Variants in RALYL observed in about 807,000 individuals in gnomAD.
RALYL encodes the protein RALY RNA binding protein like.
A neutral mutation model predicts 35.1 loss-of-function variants in RALYL; 29 were observed. The observed-to-expected ratio is 0.83, with a 90% CI of 0.61 to 1.13. The LOEUF (loss-of-function observed/expected upper bound fraction) is 1.13. Ranked by LOEUF, RALYL falls within the 50% of genes most tolerant of loss-of-function variation. The probability of loss-of-function intolerance (pLI) is 0.00; values close to 1 mark genes in which losing one functional copy is unlikely to be tolerated. For synonymous variants in RALYL, 120 were observed against 127.6 expected (o/e 0.94, Z 0.40); for missense variants, 359 against 360.4 (o/e 1.00, Z 0.03).
Position 84,186,794 on chromosome 8 carries a change from A to C in RALYL, c.-24+2370A>C, listed in dbSNP as rs1812642503. 2.0e-5 allele frequency among the ~76,000 whole-genome samples: 3 copies of C among 152,220 alleles called. No homozygotes were observed. The South Asian group carries it at 6.2e-4, about 32-fold the overall frequency. ...TAATTATATTGTAGACTTGTATTAC[A>C]TTTCTATCTATTACATTCAAATTTT... On this transcript the variant is annotated intron_variant, in intron 1 of 8. Transcript: ENST00000521268.
At chr8:84,276,514 A>G (rs1318305834) in intron 1 of RALYL, among the ~76,000 whole-genome samples, 1 of 152,176 alleles carries the variant, frequency 6.6e-6, no homozygotes, top group African/African-American at 2.4e-5. Flanking sequence ...TGTTATCTCC[A>G]TTTTGCAATT....
chr8:84,485,093 T>C (rs932687278), intron 1 of RALYL, among the ~76,000 whole-genome samples: 1 of 152,176 alleles, frequency 6.6e-6, no homozygotes, highest in Non-Finnish European at 1.5e-5. Flanking sequence ...TGTAGCTTTA[T>C]CCTCTTCTAA....
At chr8:84,185,274 G>T (rs943174589) in intron 1 of RALYL, 25 of 530,504 alleles carry the variant, frequency 4.7e-5, no homozygotes, top group Non-Finnish European at 8.1e-5. Context: ...TGTTAAAGGG[G>T]CAGAGTTTTC....
intron 1 of RALYL, among the ~76,000 whole-genome samples, chr8:84,250,587 C>A (rs1346997603): frequency 6.6e-6 from 1 of 151,846 alleles, no homozygotes; most frequent in Non-Finnish European, 1.5e-5. Context: ...TAATTATAGG[C>A]AATTTCAAGA....
At chr8:84,453,932 A>G (rs575833045) in intron 1 of RALYL, among the ~76,000 whole-genome samples, 1 of 152,184 alleles carries the variant, frequency 6.6e-6, no homozygotes, top group South Asian at 2.1e-4. Flanking sequence ...TATTTATACC[A>G]AATCCAGATG....
chr8:84,522,172 T>C (rs2058507371), intron 1 of RALYL, among the ~76,000 whole-genome samples: 1 of 152,118 alleles, frequency 6.6e-6, no homozygotes, highest in African/African-American at 2.4e-5. Flanking sequence ...ATTTATCATG[T>C]GACCTCTATT....
chr8:84,598,113 A>G (rs867559200), intron 2 of RALYL, among the ~76,000 whole-genome samples: 2 of 151,876 alleles, frequency 1.3e-5, no homozygotes, highest in Non-Finnish European at 2.9e-5. Flanking sequence ...CTTGGTTCCT[A>G]TGCTTGTCTT....
chr8:84,851,637 T>C (rs544584155), intron 5 of RALYL, among the ~76,000 whole-genome samples: 6 of 152,176 alleles, frequency 3.9e-5, no homozygotes, highest in Non-Finnish European at 7.4e-5. Flanking sequence ...CTTGAAAGGG[T>C]CTTATTCTCT....
chr8:84,862,269 T>C (rs1838249200), intron 5 of RALYL, 27 bp from the exon 6 acceptor site: 2 of 1,452,358 alleles, frequency 1.4e-6, no homozygotes, highest in Non-Finnish European at 1.8e-6. Context: ...TCAAACCAAC[T>C]CTCAGTCCCA....
chr8:84,318,102 C>G (rs1586233522), intron 1 of RALYL, among the ~76,000 whole-genome samples: 1 of 152,106 alleles, frequency 6.6e-6, no homozygotes, highest in African/African-American at 2.4e-5. Context: ...GGACTGGCTA[C>G]ATCATTTGTA....
At chr8:84,206,930 T>G (rs1286910236) in intron 1 of RALYL, among the ~76,000 whole-genome samples, 1 of 152,108 alleles carries the variant, frequency 6.6e-6, no homozygotes, top group Non-Finnish European at 1.5e-5. Flanking sequence ...TGCTCAATGT[T>G]ACATAATCAT....
At chr8:84,470,418 T>G (rs2052566272) in intron 1 of RALYL, among the ~76,000 whole-genome samples, 1 of 151,958 alleles carries the variant, frequency 6.6e-6, no homozygotes, top group South Asian at 2.1e-4. Context: ...CAGGAGGTGG[T>G]TTTCTTGAAA....
chr8:84,439,854 T>C lies in RALYL; in HGVS notation c.-23-89445T>C, dbSNP rs536473624. ...CTTTATAATTAAAAAATTATTTGAT[T>C]GGCTATGCTGGATTTATACTTAATA... On this transcript the variant is annotated intron_variant, in intron 1 of 8. Transcript: ENST00000521268. 1.6e-3 allele frequency among the ~76,000 whole-genome samples: 236 copies of C among 152,232 alleles called. 4 individuals carry two copies. Among genetic ancestry groups the C allele is most frequent in the Non-Finnish European group, 2.6e-3 (180 of 67,980 alleles).
intron 2 of RALYL, among the ~76,000 whole-genome samples, chr8:84,578,671 C>G (rs1626630): frequency 0.3 from 45,466 of 151,878 alleles, 7,665 homozygotes; most frequent in African/African-American, 0.46. Flanking sequence ...TCCACAGGCA[C>G]GTTGTCCTGA....
chr8:84,645,062 T>C (rs1005186220), intron 2 of RALYL, among the ~76,000 whole-genome samples: 3 of 152,056 alleles, frequency 2.0e-5, no homozygotes, highest in African/African-American at 4.8e-5. Flanking sequence ...GTTTTTCCTT[T>C]GTGTATAGCA....
chr8:84,443,278 C>T (rs1453095335), intron 1 of RALYL, among the ~76,000 whole-genome samples: 5 of 152,100 alleles, frequency 3.3e-5, no homozygotes, highest in East Asian at 3.9e-4. Flanking sequence ...AAGGAAATAA[C>T]GTCTCAAAGA....
chr8:84,505,342 TAAAC>T (rs2057074193), intron 1 of RALYL, among the ~76,000 whole-genome samples: 1 of 152,138 alleles, frequency 6.6e-6, no homozygotes, highest in South Asian at 2.1e-4. Context: ...TCAAACAAGA[TAAAC>T]AAATACTCAG....
At chr8:84,650,572 A>G (rs1828541870) in intron 2 of RALYL, among the ~76,000 whole-genome samples, 1 of 152,038 alleles carries the variant, frequency 6.6e-6, no homozygotes, top group African/African-American at 2.4e-5. Context: ...TCAGGAAACA[A>G]CAGGTGCTGG....
In RALYL at chr8:84,881,151, A is replaced by G. The variant is rs562553507; in HGVS notation, c.686-6453A>G. On this transcript the variant is annotated intron_variant, in intron 7 of 8. Transcript: ENST00000521268. ...CCAAAAATGTACTCACATAACTAAT[A>G]TATTCATCTAAAACATTCTATGTAA... 8.6e-4 allele frequency among the ~76,000 whole-genome samples: 131 copies of G among 152,078 alleles called. 1 individual carries two copies. The South Asian group carries it at 0.019, about 22-fold the overall frequency.
Sources: gnomAD v4.1 joint callset for allele counts (sites outside exome capture counted in the v4.1 genomes callset) on GRCh38, gnomAD v4.1.1 for gene constraint, MANE v1.5 for transcripts, NCBI Gene and HGNC (gene_info 2026-07-23, HGNC 2026-07-21) for gene names.